OR51B5: variants seen among roughly 807,000 people sequenced by gnomAD.
The protein encoded by OR51B5 is olfactory receptor 51B5.
For synonymous variants in OR51B5, 186 were observed against 144.8 expected (o/e 1.28, Z -2.04); for missense variants, 456 against 374.6 (o/e 1.22, Z -1.79).
At chr11:5,383,650 C>A (rs576909683) in intron 1 of OR51B5, among the ~76,000 whole-genome samples, 1 of 152,254 alleles carries the variant, frequency 6.6e-6, no homozygotes, top group South Asian at 2.1e-4. Flanking sequence ...AACCTGGGGA[C>A]TGAATGCTAA....
intron 1 of OR51B5, among the ~76,000 whole-genome samples, chr11:5,377,565 T>G (rs976514354): frequency 1.3e-5 from 2 of 152,046 alleles, no homozygotes; most frequent in African/African-American, 2.4e-5. Flanking sequence ...GAAAACCCCC[T>G]TGTCTCAGCC....
intron 1 of OR51B5, among the ~76,000 whole-genome samples, chr11:5,456,918 TCTCTATTAGTCCTC>T (rs1383142790): frequency 6.6e-6 from 1 of 152,152 alleles, no homozygotes; most frequent in Non-Finnish European, 1.5e-5. Context: ...ACTGCCTACT[TCTCTATTAGTCCTC>T]CTCTGGACAT....
intron 1 of OR51B5, among the ~76,000 whole-genome samples, chr11:5,384,761 A>G (rs972542548): frequency 3.3e-5 from 5 of 152,132 alleles, no homozygotes; most frequent in Non-Finnish European, 5.9e-5. Context: ...CCCATCCTCA[A>G]TCTGCTTATT....
chr11:5,346,849 A>C (rs1427131793), upstream of OR51B5: 1 of 152,142 alleles, frequency 6.6e-6, no homozygotes, highest in Non-Finnish European at 1.5e-5. Context: ...TTTGATGGTG[A>C]GGAAGAGCAG....
At position 5,503,120 on chromosome 11, in the gene OR51B5, G is replaced by A. The variant is rs899631046; in HGVS notation, n.84+2449C>T. 5.9e-5 allele frequency among the ~76,000 whole-genome samples: 9 copies of A among 152,164 alleles called. No homozygotes were observed. In the East Asian group the frequency reaches 1.5e-3, roughly 26 times the overall value. ...TCATAGTATTGGTAGTGCTATCTGTGTAGTGAATTTTTCTATATTCTTATT... is the reference window on the plus strand; with the variant it reads ...TCATAGTATTGGTAGTGCTATCTGTATAGTGAATTTTTCTATATTCTTATT... On this transcript the variant is annotated intron_variant and non_coding_transcript_variant, in intron 1 of 4. Coordinates refer to the OR51B5 transcript ENST00000415970.
chr11:5,375,866 A>G (rs1434665463), intron 1 of OR51B5, among the ~76,000 whole-genome samples: 2 of 152,170 alleles, frequency 1.3e-5, no homozygotes, highest in Admixed American at 1.3e-4. Context: ...ATAATGGGAG[A>G]CTTTAATACC....
At chr11:5,495,972 T>C (rs990487868) in intron 1 of OR51B5, among the ~76,000 whole-genome samples, 3 of 152,176 alleles carry the variant, frequency 2.0e-5, no homozygotes, top group Non-Finnish European at 4.4e-5. Flanking sequence ...ATGTTCCTGA[T>C]ACCTTAACCT....
chr11:5,486,926 T>C (rs1031818502), intron 1 of OR51B5, among the ~76,000 whole-genome samples: 1 of 151,956 alleles, frequency 6.6e-6, no homozygotes, highest in African/African-American at 2.4e-5. Flanking sequence ...AAAATCTCAA[T>C]GCAAATAAAG....
At chr11:5,422,632 T>C in intron 1 of OR51B5, 1 of 1,614,100 alleles carries the variant, frequency 6.2e-7, no homozygotes, top group Non-Finnish European at 8.5e-7. Context: ...AAGTCATTGG[T>C]AGAACTGGGT....
chr11:5,345,230 TTTTAAATTACTCACTTAGACTG>T (rs1206800915), upstream of OR51B5, among the ~76,000 whole-genome samples: 1 of 152,140 alleles, frequency 6.6e-6, no homozygotes, highest in Admixed American at 6.5e-5. Context: ...TGATTTGTAT[TTTTAAATTACTCACTTAGACTG>T]CTATGTGAAG....
chr11:5,483,560 A>G (rs1171360217), intron 1 of OR51B5, among the ~76,000 whole-genome samples: 1 of 151,792 alleles, frequency 6.6e-6, no homozygotes, highest in African/African-American at 2.4e-5. Flanking sequence ...CAGCTAAAAA[A>G]AAAAAGAAGA....
intron 1 of OR51B5, among the ~76,000 whole-genome samples, chr11:5,476,217 T>C (rs191400574): frequency 3.1e-4 from 47 of 152,354 alleles, no homozygotes; most frequent in African/African-American, 6.3e-4. Context: ...TGTATACTTA[T>C]TGAGAGCTTT....
chr11:5,489,289 A>G, intron 1 of OR51B5: 1 of 1,613,196 alleles, frequency 6.2e-7, no homozygotes, highest in South Asian at 1.1e-5. Context: ...CTGTGCCAAC[A>G]TCACTGTCAA....
In OR51B5 at chr11:5,368,122, G is replaced by T. The variant is rs1390905103; in HGVS notation, n.85-21212C>A. Among the ~76,000 whole-genome samples the T allele has an allele frequency of 2.6e-5, 4 of 152,162 alleles. No individual in the cohort carries two copies. The East Asian group carries it at 5.8e-4, about 22-fold the overall frequency. ...TCTTTGTTTTTTCCTCTGCCATTCA[G>T]ATTTGTTGCATCTTCAACCAATAAC... On this transcript the variant is annotated intron_variant and non_coding_transcript_variant, in intron 1 of 4. Transcript: ENST00000415970.
At chr11:5,400,452 C>CTT (rs147727781) in intron 1 of OR51B5, among the ~76,000 whole-genome samples, 8 of 149,792 alleles carry the variant, frequency 5.3e-5, no homozygotes, top group Admixed American at 4.7e-4. Context: ...AATTTCCCCT[C>CTT]TTTTTTTTTT....
chr11:5,504,733 C>T (rs1846348408), intron 1 of OR51B5, among the ~76,000 whole-genome samples: 1 of 152,332 alleles, frequency 6.6e-6, no homozygotes, highest in Non-Finnish European at 1.5e-5. Flanking sequence ...GTTTAACACT[C>T]CTTCAATCAC....
intron 1 of OR51B5, among the ~76,000 whole-genome samples, chr11:5,415,233 C>A (rs1286241519): frequency 6.6e-6 from 1 of 150,756 alleles, no homozygotes; most frequent in Non-Finnish European, 1.5e-5. Flanking sequence ...CCAACGAGAA[C>A]AAAGACACAA....
rs1187836664 is a variant in OR51B5 at position 5,505,308 on chromosome 11, A to G, written n.84+261T>C. On this transcript the variant is annotated intron_variant and non_coding_transcript_variant, in intron 1 of 4. Transcript: ENST00000415970. ...TTCCAAGGATGGAAATTTGGGGTTCAATGTATATCTTCCCCAGTCAGAGGC... is the reference window on the plus strand; with the variant it reads ...TTCCAAGGATGGAAATTTGGGGTTCGATGTATATCTTCCCCAGTCAGAGGC... The G allele has an allele frequency of 2.1e-5, 27 of 1,300,262 alleles. No homozygotes were observed. In the Middle Eastern group the frequency reaches 1.3e-3, roughly 62 times the overall value. 80.5% of individuals were successfully genotyped at this position (1,300,262 alleles called of 1,614,324 possible). A position where few individuals can be genotyped will look rare whatever the true frequency, so the allele number is the denominator to read the frequency against.
chr11:5,410,344 G>A (rs1320190709), intron 1 of OR51B5, among the ~76,000 whole-genome samples: 3 of 152,072 alleles, frequency 2.0e-5, no homozygotes, highest in African/African-American at 7.2e-5. Flanking sequence ...TTAAAGTTCT[G>A]AGCTTCTATC....
Sources: gnomAD v4.1 joint callset for allele counts (sites outside exome capture counted in the v4.1 genomes callset) on GRCh38, gnomAD v4.1.1 for gene constraint, MANE v1.5 for transcripts, NCBI Gene and HGNC (gene_info 2026-07-23, HGNC 2026-07-21) for gene names.